MAPK10: variants seen among roughly 807,000 people sequenced by gnomAD.
MAPK10 encodes the protein JNK3 alpha protein kinase.
MAPK10 carries 25 observed loss-of-function variants against 59.3 expected under a neutral mutation model. That is an observed-to-expected ratio of 0.42 (90% confidence interval 0.31 to 0.59). MAPK10 has a LOEUF of 0.59. Among genes scored for constraint, MAPK10 ranks in the 20% least tolerant of loss-of-function variants. The pLI, the probability that MAPK10 is intolerant of heterozygous loss-of-function variation, is 0.15. For missense variants in MAPK10, 351 were observed against 568.9 expected, an observed-to-expected ratio of 0.62 and a Z score of 3.90; for synonymous variants, 190 against 200.5, an observed-to-expected ratio of 0.95 and a Z score of 0.44.
At chr4:86,053,844 A>C (rs2044027367) in intron 11 of MAPK10, among the ~76,000 whole-genome samples, 1 of 152,180 alleles carries the variant, frequency 6.6e-6, no homozygotes, top group Non-Finnish European at 1.5e-5. Flanking sequence ...GATATCACCT[A>C]GGAGAGAAGA....
chr4:86,525,038 C>A (rs1319339903), intron 1 of MAPK10, among the ~76,000 whole-genome samples: 1 of 149,466 alleles, frequency 6.7e-6, no homozygotes, highest in Non-Finnish European at 1.5e-5. Flanking sequence ...TGGCTCATGC[C>A]TGTAAACCCA....
intron 1 of MAPK10, chr4:86,384,282 A>C (rs910044478): frequency 2.6e-5 from 4 of 152,194 alleles, no homozygotes; most frequent in Non-Finnish European, 1.5e-5. Context: ...GCACAAAATA[A>C]ATTTAAATAA....
At chr4:86,121,255 A>C (rs2059193611) in intron 4 of MAPK10, among the ~76,000 whole-genome samples, 1 of 152,210 alleles carries the variant, frequency 6.6e-6, no homozygotes, top group South Asian at 2.1e-4. Flanking sequence ...AGATCAAGAA[A>C]CAGCCAGATT....
chr4:86,342,863 T>C (rs926522268), intron 2 of MAPK10, among the ~76,000 whole-genome samples: 4 of 152,148 alleles, frequency 2.6e-5, no homozygotes, highest in African/African-American at 9.7e-5. Flanking sequence ...TCATCCTGCC[T>C]CTCTTACCTC....
At chr4:86,281,656 A>G (rs2094812583) in intron 2 of MAPK10, among the ~76,000 whole-genome samples, 2 of 152,174 alleles carry the variant, frequency 1.3e-5, no homozygotes, top group Admixed American at 1.3e-4. Context: ...TGAGACAATA[A>G]GCTAAAGGGA....
chr4:86,204,994 C>T (rs888839404), intron 2 of MAPK10, among the ~76,000 whole-genome samples: 8 of 151,768 alleles, frequency 5.3e-5, no homozygotes, highest in Non-Finnish European at 8.8e-5. Flanking sequence ...CTACAATAAC[C>T]GTAAAACCCA....
intron 1 of MAPK10, among the ~76,000 whole-genome samples, chr4:86,506,325 A>G (rs1014724935): frequency 6.6e-6 from 1 of 152,166 alleles, no homozygotes; most frequent in Admixed American, 6.5e-5. Context: ...TCTGAATCTA[A>G]TGGTCAAAAA....
chr4:86,360,162 AG>A (rs1736630362), upstream of MAPK10: 1 of 986,026 alleles, frequency 1.0e-6, no homozygotes, highest in Non-Finnish European at 1.2e-6. Flanking sequence ...GAGGGGGATG[AG>A]GGGGAAACAG....
At chr4:86,204,330 C>T (rs1450883827) in intron 2 of MAPK10, among the ~76,000 whole-genome samples, 1 of 151,924 alleles carries the variant, frequency 6.6e-6, no homozygotes, top group Admixed American at 6.6e-5. Context: ...CATAGTTTTA[C>T]ATCTAAAACT....
At chr4:86,242,472 A>G (rs958907904) in intron 2 of MAPK10, among the ~76,000 whole-genome samples, 2 of 152,176 alleles carry the variant, frequency 1.3e-5, no homozygotes, top group Non-Finnish European at 2.9e-5. Flanking sequence ...TCTGCTGCAG[A>G]GACTGCAGCC....
intron 1 of MAPK10, among the ~76,000 whole-genome samples, chr4:86,580,983 T>G (rs1762224311): frequency 6.6e-6 from 1 of 152,110 alleles, no homozygotes; most frequent in Admixed American, 6.6e-5. Flanking sequence ...TCTCCCAGAG[T>G]GCAAAGCCTA....
rs867142434 is a variant in MAPK10, at chr4:86,462,593, G to A, written c.-262-107949C>T. On this transcript the variant is annotated intron_variant, in intron 1 of 4. Transcript: ENST00000502302. ...GCCGTCCACGTGGCCAATTCAACCC[G>A]CTCAATTTAATGTAGCTGGAGTTGG... Among the ~76,000 whole-genome samples, 11 of 152,056 alleles carry A rather than the reference G, an allele frequency of 7.2e-5. No individual in the cohort carries two copies. In the East Asian group the frequency reaches 7.7e-4, roughly 11 times the overall value.
At position 86,367,651 on chromosome 4, in the gene MAPK10, G is replaced by T. The variant is rs974692601; in HGVS notation, c.-121-13007C>A. On this transcript the variant is annotated intron_variant, in intron 1 of 13. Coordinates refer to the MAPK10 transcript ENST00000361569. Reference sequence around the variant, plus strand: ...AAGTATTCTTATGTAGCAAGCATTTGTTTTTTTTTTTGTTTTGTTTTGTTT... The same window carrying T: ...AAGTATTCTTATGTAGCAAGCATTTTTTTTTTTTTTTGTTTTGTTTTGTTT... 4.6e-4 allele frequency among the ~76,000 whole-genome samples: 66 copies of T among 144,070 alleles called. No individual in the cohort carries two copies. The South Asian group carries it at 6.2e-3, about 14-fold the overall frequency. The allele number at this position is 144,070 out of a possible 152,430, so 94.5% of individuals were successfully genotyped here. A position where few individuals can be genotyped will look rare whatever the true frequency, so the allele number is the denominator to read the frequency against.
intron 2 of MAPK10, among the ~76,000 whole-genome samples, chr4:86,309,809 C>T (rs1256460949): frequency 6.6e-6 from 1 of 152,170 alleles, no homozygotes; most frequent in Non-Finnish European, 1.5e-5. Flanking sequence ...GTAGCAAGTG[C>T]TTAATAAACG....
At chr4:86,288,520 T>C (rs932885770) in intron 2 of MAPK10, among the ~76,000 whole-genome samples, 1 of 152,056 alleles carries the variant, frequency 6.6e-6, no homozygotes, top group African/African-American at 2.4e-5. Flanking sequence ...CAGGACAAGG[T>C]AGTTGATGAT....
intron 1 of MAPK10, among the ~76,000 whole-genome samples, chr4:86,379,511 C>T (rs370059397): frequency 4.6e-5 from 7 of 152,142 alleles, no homozygotes; most frequent in Non-Finnish European, 7.3e-5. Flanking sequence ...ATGGCCATGA[C>T]GCCCACGCTG....
chr4:86,481,253 A>G (rs1036370567), intron 1 of MAPK10, among the ~76,000 whole-genome samples: 2 of 152,142 alleles, frequency 1.3e-5, no homozygotes, highest in African/African-American at 2.4e-5. Flanking sequence ...TTGGGGGAGA[A>G]AGTGAAGTGA....
At chr4:86,455,421 C>T (rs1751145526), upstream of MAPK10, among the ~76,000 whole-genome samples, 1 of 152,098 alleles carries the variant, frequency 6.6e-6, no homozygotes, top group South Asian at 2.1e-4. Flanking sequence ...ACACCTAACA[C>T]ATAAGGACTC....
At chr4:86,445,334 C>A (rs962673068) in intron 1 of MAPK10, among the ~76,000 whole-genome samples, 5 of 152,128 alleles carry the variant, frequency 3.3e-5, no homozygotes, top group African/African-American at 9.7e-5. Context: ...AAATGAAACA[C>A]CACATGTTCT....
Sources: allele counts gnomAD v4.1 joint callset (sites outside exome capture counted in the v4.1 genomes callset), GRCh38; gene constraint gnomAD v4.1.1; transcripts MANE v1.5; gene names NCBI Gene and HGNC (gene_info 2026-07-23, HGNC 2026-07-21).